The following ASCL5 variants were observed in gnomAD, a reference collection of about 807,000 sequenced individuals.
ASCL5 encodes the protein achaete-scute family bHLH transcription factor 5, also known as achaete-scute homolog 5.
For synonymous variants in ASCL5, 124 were observed against 131.5 expected, an observed-to-expected ratio of 0.94 and a Z score of 0.39; for missense variants, 262 against 268.9, an observed-to-expected ratio of 0.97 and a Z score of 0.18.
Position 201,115,365 on chromosome 1 carries a change from T to C in ASCL5, c.8A>G (p.Asn3Ser), listed in dbSNP as rs1663318506. 6 of 1,231,460 alleles carry C rather than the reference T, an allele frequency of 4.9e-6. No individual in the cohort carries two copies. The highest frequency in any genetic ancestry group is 6.1e-6 in the Non-Finnish European group (6 of 987,788). The allele number at this position is 1,231,460 out of a possible 1,614,324, so 76.3% of individuals were successfully genotyped here. MN[N>S]NFCRALVDRR... is the part of the protein sequence containing the mutation. ...GTCCACCAGAGCCCGGCAGAAGTTA[T>C]TGTTCATGGTGCCGCGTGGAGCTGG... The change falls in exon 2 of 2, where the codon AAT becomes AGT. Residue 3 changes from asparagine to serine, a missense_variant. Transcript: ENST00000449188.
At chr1:201,126,697 G>T (rs1489745728) in intron 1 of ASCL5, among the ~76,000 whole-genome samples, 1 of 152,198 alleles carries the variant, frequency 6.6e-6, no homozygotes, top group Non-Finnish European at 1.5e-5. Context: ...GAGCTAGGGT[G>T]TGAGCCCGGG....
chr1:201,122,681 G>A (rs879447213), intron 1 of ASCL5, among the ~76,000 whole-genome samples: 25 of 152,248 alleles, frequency 1.6e-4, no homozygotes, highest in Non-Finnish European at 2.9e-4. Context: ...GGGTGGAGCT[G>A]GGTGAGGAAT....
intron 1 of ASCL5, among the ~76,000 whole-genome samples, chr1:201,118,486 AG>A (rs67480923): frequency 0.043 from 6,269 of 147,422 alleles, 338 homozygotes; most frequent in East Asian, 0.14. Context: ...CCCTGTCTCA[AG>A]AAAAAAAAAA....
Position 201,114,664 on chromosome 1 carries a change from G to A in ASCL5, c.*88C>T, listed in dbSNP as rs946430733. On this transcript the variant is annotated 3_prime_UTR_variant, in exon 2 of 2. Coordinates refer to ENST00000449188, the MANE Select transcript of ASCL5 (RefSeq NM_001270601.2). ...TACAGTCACCGTCCTGCGGCGCATC[G>A]CGGGTGACCCAACAGCCTCCCGCTG... 2.6e-6 allele frequency: 3 copies of A among 1,140,196 alleles called. No individual in the cohort carries two copies. The highest frequency in any genetic ancestry group is 1.6e-5 in the African/African-American group (1 of 62,292). The allele number at this position is 1,140,196 out of a possible 1,614,324, so 70.6% of individuals were successfully genotyped here.
rs1663310197 is a variant in ASCL5, at chr1:201,115,074, T to C, written c.299A>G (p.Asn100Ser). ...ERERQRVKCV[N>S]EGYARLRGHL... ...GCCGCGGAGGCGAGCGTAGCCCTCGTTGACGCACTTGACTCGCTGCCTCTC... is the reference window on the plus strand; with the variant it reads ...GCCGCGGAGGCGAGCGTAGCCCTCGCTGACGCACTTGACTCGCTGCCTCTC... The change falls in exon 2 of 2, where the codon AAC (asparagine) becomes AGC (serine). Residue 100 changes from asparagine to serine, a missense_variant. Transcript: ENST00000449188. 3 of 1,231,830 alleles carry C rather than the reference T, an allele frequency of 2.4e-6. No homozygotes were observed. Among genetic ancestry groups the C allele is most frequent in the Non-Finnish European group, 3.0e-6 (3 of 988,170 alleles). 76.3% of individuals were successfully genotyped at this position (1,231,830 alleles called of 1,614,324 possible).
intron 1 of ASCL5, among the ~76,000 whole-genome samples, chr1:201,118,500 A>G (rs1486992292): frequency 6.6e-6 from 1 of 151,986 alleles, no homozygotes; most frequent in Admixed American, 6.6e-5. Context: ...AAAAAAAAAA[A>G]AAGAGAACTC....
chr1:201,124,933 C>T (rs1185874614), intron 1 of ASCL5, among the ~76,000 whole-genome samples: 2 of 152,184 alleles, frequency 1.3e-5, no homozygotes, highest in Non-Finnish European at 2.9e-5. Context: ...CTGAGGCCCT[C>T]GCAGCTCCCT....
intron 1 of ASCL5, among the ~76,000 whole-genome samples, chr1:201,125,454 C>G (rs1377107827): frequency 1.3e-5 from 2 of 152,212 alleles, no homozygotes; most frequent in Non-Finnish European, 2.9e-5. Flanking sequence ...GGAGAATTAG[C>G]CCCTTGCCTT....
At chr1:201,124,537 T>A (rs916190675) in intron 1 of ASCL5, among the ~76,000 whole-genome samples, 2 of 149,504 alleles carry the variant, frequency 1.3e-5, no homozygotes, top group Admixed American at 1.3e-4. Context: ...CCCTTGTAGG[T>A]GACGGCTATT....
intron 1 of ASCL5, among the ~76,000 whole-genome samples, chr1:201,120,454 T>A (rs1663431949): frequency 6.6e-6 from 1 of 152,116 alleles, no homozygotes; most frequent in South Asian, 2.1e-4. Context: ...TCCTCAGCCT[T>A]ATACTCTGCA....
rs1663267408 is a variant in ASCL5 at position 201,113,997 on chromosome 1, T to A, written c.*755A>T. 6.6e-6 allele frequency: 1 copy of A among 152,074 alleles called. No homozygotes were observed. Among genetic ancestry groups the A allele is most frequent in the Non-Finnish European group, 1.5e-5 (1 of 68,016 alleles). The allele number at this position is 152,074 out of a possible 1,614,324, so 9.4% of individuals were successfully genotyped here. On this transcript the variant is annotated 3_prime_UTR_variant, in exon 2 of 2. Coordinates refer to ENST00000449188, the MANE Select transcript of ASCL5 (RefSeq NM_001270601.2). ...ATTTAGCTCTTTGGTGCCGACGCAG[T>A]GCCTATGTACCTATATGCACGCCCC...
At position 201,115,469 on chromosome 1, in the gene ASCL5, A is replaced by G; in HGVS notation, c.-97T>C. On this transcript the variant is annotated 5_prime_UTR_variant, in exon 2 of 2. Coordinates refer to ENST00000449188, the MANE Select transcript of ASCL5 (RefSeq NM_001270601.2). Reference sequence around the variant, plus strand: ...CACCAGTGGGGCAAGTCACATCGCTAGCAGCAGCTCTTGGGTACCAGGACT... The same window carrying G: ...CACCAGTGGGGCAAGTCACATCGCTGGCAGCAGCTCTTGGGTACCAGGACT... The G allele has an allele frequency of 9.5e-7, 1 of 1,053,564 alleles. No individual in the cohort carries two copies. 65.3% of individuals were successfully genotyped at this position (1,053,564 alleles called of 1,614,324 possible). A position where few individuals can be genotyped will look rare whatever the true frequency, so the allele number is the denominator to read the frequency against.
chr1:201,120,860 A>T (rs1439197382), intron 1 of ASCL5, among the ~76,000 whole-genome samples: 1 of 152,188 alleles, frequency 6.6e-6, no homozygotes, highest in Non-Finnish European at 1.5e-5. Flanking sequence ...CTGAGAGTTG[A>T]CCAGTCCATA....
intron 1 of ASCL5, among the ~76,000 whole-genome samples, chr1:201,125,360 C>T (rs754754202): frequency 8.5e-5 from 13 of 152,212 alleles, no homozygotes; most frequent in Non-Finnish European, 1.8e-4. Flanking sequence ...CAGCCCTCAG[C>T]TTCAGCGTGA....
Position 201,126,501 on chromosome 1 carries a change from A to G in ASCL5, c.-506+583T>C, listed in dbSNP as rs147134881. Among the ~76,000 whole-genome samples the G allele has an allele frequency of 4.3e-3, 661 of 152,378 alleles. 10 individuals carry two copies. Among genetic ancestry groups the G allele is most frequent in the African/African-American group, 0.014 (596 of 41,588 alleles). ...GGGGATCATATTTTTAGTAAATAGC[A>G]TGATTAAAAACAACAAAAATATTTA... On this transcript the variant is annotated intron_variant, in intron 1 of 1. Transcript: ENST00000449188.
In ASCL5 at chr1:201,114,679, G is replaced by A; in HGVS notation, c.*73C>T. 1 of 1,205,212 alleles carries A rather than the reference G, an allele frequency of 8.3e-7. No individual in the cohort carries two copies. Among genetic ancestry groups the A allele is most frequent in the Middle Eastern group, 3.2e-4 (1 of 3,146 alleles). 74.7% of individuals were successfully genotyped at this position (1,205,212 alleles called of 1,614,324 possible). On this transcript the variant is annotated 3_prime_UTR_variant, in exon 2 of 2. Coordinates refer to ENST00000449188, the MANE Select transcript of ASCL5 (RefSeq NM_001270601.2). ...GCGGCGCATCGCGGGTGACCCAACAGCCTCCCGCTGCTCCCGAAAGTGGGA... is the reference window on the plus strand; with the variant it reads ...GCGGCGCATCGCGGGTGACCCAACAACCTCCCGCTGCTCCCGAAAGTGGGA...
intron 1 of ASCL5, among the ~76,000 whole-genome samples, chr1:201,125,203 A>G (rs1017396660): frequency 6.6e-6 from 1 of 152,174 alleles, no homozygotes; most frequent in Non-Finnish European, 1.5e-5. Flanking sequence ...AAGTTCAAGG[A>G]GATCGTGCAT....
At chr1:201,126,043 G>T (rs969592075) in intron 1 of ASCL5, among the ~76,000 whole-genome samples, 1 of 152,180 alleles carries the variant, frequency 6.6e-6, no homozygotes. Flanking sequence ...GGCTCACACC[G>T]TAGGGAAGGA....
chr1:201,125,538 T>C (rs1422682623), intron 1 of ASCL5, among the ~76,000 whole-genome samples: 1 of 152,152 alleles, frequency 6.6e-6, no homozygotes, highest in Non-Finnish European at 1.5e-5. Flanking sequence ...TACCCTCTCC[T>C]GTTTCTGCTC....
Sources: gnomAD v4.1 joint callset for allele counts (sites outside exome capture counted in the v4.1 genomes callset) on GRCh38, gnomAD v4.1.1 for gene constraint, MANE v1.5 for transcripts, NCBI Gene and HGNC (gene_info 2026-07-23, HGNC 2026-07-21) for gene names.